The following LINC00305 variants were observed in gnomAD, a reference collection of about 807,000 sequenced individuals.
LINC00305 encodes long intergenic non-protein coding RNA 305.
chr18:64,087,295 T>C (rs953293898), intron 3 of LINC00305, among the ~76,000 whole-genome samples: 18 of 152,190 alleles, frequency 1.2e-4, no homozygotes, highest in African/African-American at 4.3e-4. Context: ...ATGCATCATA[T>C]TGCATAGTTA....
chr18:64,147,562 T>A (rs1232623549), intron 1 of LINC00305, among the ~76,000 whole-genome samples: 1 of 152,184 alleles, frequency 6.6e-6, no homozygotes, highest in Non-Finnish European at 1.5e-5. Flanking sequence ...TTTCATCTTG[T>A]TCACCCCTAT....
chr18:64,143,835 T>G (rs1246893533), intron 1 of LINC00305, among the ~76,000 whole-genome samples: 1 of 149,382 alleles, frequency 6.7e-6, no homozygotes, highest in Non-Finnish European at 1.5e-5. Context: ...AGATAATTCT[T>G]ATGTATGTAT....
At chr18:64,130,517 T>C (rs1736883462) in intron 1 of LINC00305, among the ~76,000 whole-genome samples, 1 of 152,080 alleles carries the variant, frequency 6.6e-6, no homozygotes, top group Non-Finnish European at 1.5e-5. Flanking sequence ...AAAAAATACA[T>C]AGCAAAAGAA....
rs184953379 is a variant in LINC00305 at position 64,145,009 on chromosome 18, G to A, written n.314+3766C>T. 2.3e-3 allele frequency among the ~76,000 whole-genome samples: 344 copies of A among 152,182 alleles called. 2 individuals are homozygous for A. Among genetic ancestry groups the A allele is most frequent in the African/African-American group, 7.8e-3 (326 of 41,536 alleles). On this transcript the variant is annotated intron_variant and non_coding_transcript_variant, in intron 1 of 3. Transcript: ENST00000666468. ...GCTATAAACGCCCTCATCTTGCCAC[G>A]GCTCTTCTAGGCCTCTTTAGGGTTA... is the stretch of plus-strand genomic sequence containing the variant.
chr18:64,099,177 T>A (rs944192144), intron 1 of LINC00305, among the ~76,000 whole-genome samples: 4 of 152,196 alleles, frequency 2.6e-5, no homozygotes, highest in African/African-American at 9.7e-5. Context: ...TAATAATATA[T>A]TAAATGCTAT....
intron 1 of LINC00305, among the ~76,000 whole-genome samples, chr18:64,141,888 G>C (rs879922052): frequency 6.6e-6 from 1 of 152,172 alleles, no homozygotes; most frequent in Non-Finnish European, 1.5e-5. Context: ...AAAATGAGAA[G>C]CTAGCTCAAA....
Position 64,111,704 on chromosome 18 carries a change from C to T in LINC00305, n.315-13064G>A, listed in dbSNP as rs554800692. Among the ~76,000 whole-genome samples the T allele has an allele frequency of 2.3e-4, 35 of 152,194 alleles. 1 individual carries two copies. Among genetic ancestry groups the T allele is most frequent in the Admixed American group, 2.0e-3 (30 of 15,286 alleles). On this transcript the variant is annotated intron_variant and non_coding_transcript_variant, in intron 1 of 3. Transcript: ENST00000666468. Reference sequence around the variant, plus strand: ...GAACCAGGTGGTGGATGGCTGGGTCCCTGCTCTCTCTGGATGGCTTTCTGG... The same window carrying T: ...GAACCAGGTGGTGGATGGCTGGGTCTCTGCTCTCTCTGGATGGCTTTCTGG...
intron 1 of LINC00305, among the ~76,000 whole-genome samples, chr18:64,107,338 G>A (rs1425213818): frequency 2.0e-5 from 3 of 152,332 alleles, no homozygotes; most frequent in Admixed American, 2.0e-4. Context: ...GACAGAATGT[G>A]AAGGAGTAAG....
At chr18:64,098,116 T>C in intron 2 of LINC00305, 1 of 396,064 alleles carries the variant, frequency 2.5e-6, no homozygotes, top group South Asian at 1.8e-5. Context: ...ACCAACATTG[T>C]CCATTAAAGA....
chr18:64,133,843 A>G (rs2051420845), intron 1 of LINC00305, among the ~76,000 whole-genome samples: 2 of 152,214 alleles, frequency 1.3e-5, no homozygotes, highest in African/African-American at 4.8e-5. Context: ...TTCAAAATCC[A>G]AATCTATTAT....
chr18:64,097,753 A>G, intron 3 of LINC00305: 1 of 408,194 alleles, frequency 2.4e-6, no homozygotes, highest in Admixed American at 2.9e-5. Flanking sequence ...CTCATATTGA[A>G]TACTAATAAA....
intron 1 of LINC00305, among the ~76,000 whole-genome samples, chr18:64,121,038 A>G (rs909067922): frequency 1.3e-5 from 2 of 152,100 alleles, no homozygotes; most frequent in Non-Finnish European, 2.9e-5. Context: ...AAAGAAAGCA[A>G]TATTCTCTAA....
At chr18:64,094,542 C>A (rs72947341) in intron 3 of LINC00305, among the ~76,000 whole-genome samples, 10,317 of 152,154 alleles carry the variant, frequency 0.068, 519 homozygotes, top group Non-Finnish European at 0.11. Context: ...AGCCAGGCAT[C>A]CCCCTAAGCA....
chr18:64,146,929 C>T (rs2051500925), intron 1 of LINC00305, among the ~76,000 whole-genome samples: 1 of 152,142 alleles, frequency 6.6e-6, no homozygotes, highest in South Asian at 2.1e-4. Context: ...TTTAGTTCAG[C>T]TTCACATATT....
chr18:64,132,636 T>A (rs2051415064), intron 1 of LINC00305, among the ~76,000 whole-genome samples: 1 of 152,158 alleles, frequency 6.6e-6, no homozygotes, highest in Admixed American at 6.5e-5. Context: ...GATTCTGAAT[T>A]AGTATGCAGT....
intron 1 of LINC00305, among the ~76,000 whole-genome samples, chr18:64,136,862 G>A (rs972084601): frequency 4.6e-5 from 7 of 151,920 alleles, no homozygotes; most frequent in Admixed American, 3.9e-4. Flanking sequence ...TGTAGGGCAC[G>A]CTGGACTGAA....
At position 64,081,529 on chromosome 18, in the gene LINC00305, A is replaced by G. The variant is rs147182070; in HGVS notation, n.541-1127T>C. On this transcript the variant is annotated intron_variant and non_coding_transcript_variant, in intron 3 of 3. Transcript: ENST00000666468. ...GTTCTCAAAAGATACCAACATTAGT[A>G]ATTCCCTGGATTTATGTGCTGCACA... Among the ~76,000 whole-genome samples, 43 of 152,314 alleles carry G rather than the reference A, an allele frequency of 2.8e-4. No homozygotes were observed. In the East Asian group the frequency reaches 8.1e-3, roughly 29 times the overall value.
intron 1 of LINC00305, among the ~76,000 whole-genome samples, chr18:64,109,023 A>T (rs142600087): frequency 6.6e-6 from 1 of 152,228 alleles, no homozygotes; most frequent in African/African-American, 2.4e-5. Context: ...ATGTTGCATC[A>T]CATCAATCTC....
chr18:64,082,418 T>C (rs2051188539), intron 3 of LINC00305, among the ~76,000 whole-genome samples: 1 of 152,140 alleles, frequency 6.6e-6, no homozygotes, highest in African/African-American at 2.4e-5. Flanking sequence ...CTCCACATTT[T>C]TGGGGGGAGA....
Sources: gnomAD v4.1 joint callset for allele counts (sites outside exome capture counted in the v4.1 genomes callset) on GRCh38, gnomAD v4.1.1 for gene constraint, MANE v1.5 for transcripts, NCBI Gene and HGNC (gene_info 2026-07-23, HGNC 2026-07-21) for gene names.